TMEM132B: variants seen among roughly 807,000 people sequenced by gnomAD.
TMEM132B encodes transmembrane protein 132B.
A neutral mutation model predicts 90.8 loss-of-function variants in TMEM132B; 18 were observed. That is an observed-to-expected ratio of 0.20 (90% confidence interval 0.14 to 0.29). The LOEUF (loss-of-function observed/expected upper bound fraction) is 0.29. Ranked by LOEUF, TMEM132B falls within the 10% of genes least tolerant of loss-of-function variation. The pLI, the probability that TMEM132B is intolerant of heterozygous loss-of-function variation, is 1.00. For missense variants in TMEM132B, 1,096 were observed against 1,326.8 expected, an observed-to-expected ratio of 0.83 and a Z score of 2.70; for synonymous variants, 504 against 523.3, an observed-to-expected ratio of 0.96 and a Z score of 0.50.
rs373957160 is a variant in TMEM132B at position 125,626,109 on chromosome 12, T to G, written c.1438-17967T>G. Among the ~76,000 whole-genome samples, 4 of 151,562 alleles carry G rather than the reference T, an allele frequency of 2.6e-5. No homozygotes were observed. The South Asian group carries it at 8.4e-4, about 32-fold the overall frequency. ...TATTTTTTCAGAACAATTATAACTC[T>G]GAAAAAATGAATTTTATTCTTCCTT... On this transcript the variant is annotated intron_variant, in intron 5 of 8. Transcript: ENST00000682704.
intron 3 of TMEM132B, among the ~76,000 whole-genome samples, chr12:125,428,768 T>C (rs1481638567): frequency 5.9e-5 from 9 of 152,246 alleles, no homozygotes; most frequent in Admixed American, 5.9e-4. Flanking sequence ...AAATGACATT[T>C]TATTTGATTT....
At chr12:125,547,960 A>T (rs1314377538) in intron 4 of TMEM132B, among the ~76,000 whole-genome samples, 1 of 152,112 alleles carries the variant, frequency 6.6e-6, no homozygotes, top group Non-Finnish European at 1.5e-5. Flanking sequence ...TGCTTTTGAG[A>T]TTCCTTTTTA....
At chr12:125,250,713 C>G (rs980243517) in intron 1 of TMEM132B, among the ~76,000 whole-genome samples, 2 of 152,120 alleles carry the variant, frequency 1.3e-5, no homozygotes, top group Admixed American at 6.5e-5. Flanking sequence ...GCCCAGAAGA[C>G]CCAGTGGACT....
intron 1 of TMEM132B, among the ~76,000 whole-genome samples, chr12:125,194,073 G>C (rs1383224459): frequency 6.6e-6 from 1 of 152,224 alleles, no homozygotes; most frequent in Non-Finnish European, 1.5e-5. Context: ...GGCAAAATCA[G>C]CTGGTTCTGC....
chr12:125,648,630 A>G lies in TMEM132B; in HGVS notation c.1644-2053A>G, dbSNP rs150600199. On this transcript the variant is annotated intron_variant, in intron 6 of 8. Coordinates refer to ENST00000682704, the MANE Select transcript of TMEM132B (RefSeq NM_001366854.1). Reference sequence around the variant, plus strand: ...TAAATAAATGAATAGGATACAATCTATCCTAAAATAACAGGATTATTTTGT... The same window carrying G: ...TAAATAAATGAATAGGATACAATCTGTCCTAAAATAACAGGATTATTTTGT... Among the ~76,000 whole-genome samples the G allele has an allele frequency of 4.2e-3, 634 of 151,790 alleles. 5 individuals carry two copies. The highest frequency in any genetic ancestry group is 0.014 in the African/African-American group (572 of 41,338).
chr12:125,469,314 T>G (rs1881650961), intron 3 of TMEM132B, among the ~76,000 whole-genome samples: 1 of 152,242 alleles, frequency 6.6e-6, no homozygotes, highest in South Asian at 2.1e-4. Flanking sequence ...AAAACACTCT[T>G]TACAAATATA....
chr12:125,537,551 G>A (rs896956727), intron 4 of TMEM132B, among the ~76,000 whole-genome samples: 2 of 152,176 alleles, frequency 1.3e-5, no homozygotes, highest in Non-Finnish European at 2.9e-5. Context: ...GGCATCACTG[G>A]GAGAGGAAGG....
At chr12:125,219,082 T>A (rs1185860440) in intron 1 of TMEM132B, among the ~76,000 whole-genome samples, 1 of 152,162 alleles carries the variant, frequency 6.6e-6, no homozygotes, top group Non-Finnish European at 1.5e-5. Context: ...TGGTGAGAGG[T>A]CCTGAGCCTC....
intron 1 of TMEM132B, among the ~76,000 whole-genome samples, chr12:125,278,446 A>G (rs1399689778): frequency 1.3e-5 from 2 of 149,340 alleles, no homozygotes; most frequent in African/African-American, 4.9e-5. Context: ...AATCAAGGTC[A>G]TCTTTCCATG....
chr12:125,267,544 T>C (rs1194504207), intron 1 of TMEM132B, among the ~76,000 whole-genome samples: 1 of 152,192 alleles, frequency 6.6e-6, no homozygotes, highest in Non-Finnish European at 1.5e-5. Flanking sequence ...TCTCTCTTTT[T>C]GGTTTGTTCT....
At chr12:125,431,777 A>G (rs1880516588) in intron 3 of TMEM132B, among the ~76,000 whole-genome samples, 1 of 152,116 alleles carries the variant, frequency 6.6e-6, no homozygotes, top group Non-Finnish European at 1.5e-5. Context: ...GTGAATGGCG[A>G]GGTGGGACAA....
chr12:125,577,435 T>C (rs1884965091), intron 4 of TMEM132B, among the ~76,000 whole-genome samples: 3 of 151,262 alleles, frequency 2.0e-5, no homozygotes, highest in Non-Finnish European at 4.4e-5. Flanking sequence ...TTGGTTTCAT[T>C]GCATTGGTTT....
At chr12:125,614,707 T>C (rs1199922834) in intron 5 of TMEM132B, among the ~76,000 whole-genome samples, 1 of 152,166 alleles carries the variant, frequency 6.6e-6, no homozygotes, top group Non-Finnish European at 1.5e-5. Flanking sequence ...TGGAAAGCAG[T>C]CTGAAATTTT....
At chr12:125,421,668 G>A (rs1378913055) in intron 3 of TMEM132B, among the ~76,000 whole-genome samples, 4 of 152,166 alleles carry the variant, frequency 2.6e-5, no homozygotes, top group African/African-American at 4.8e-5. Flanking sequence ...ATTGCCTACT[G>A]TAGTCTAGAA....
At chr12:125,399,725 T>A (rs1879262185) in intron 2 of TMEM132B, among the ~76,000 whole-genome samples, 1 of 152,112 alleles carries the variant, frequency 6.6e-6, no homozygotes, top group Non-Finnish European at 1.5e-5. Context: ...ACAGGAAAGA[T>A]CCAACAGGCA....
chr12:125,490,583 C>A lies in TMEM132B; in HGVS notation c.1107-28856C>A, dbSNP rs2136556049. Among the ~76,000 whole-genome samples the A allele has an allele frequency of 6.6e-6, 1 of 152,206 alleles. No homozygotes were observed. Among genetic ancestry groups the A allele is most frequent in the Middle Eastern group, 3.4e-3 (1 of 294 alleles). ...GGTTCACACCATTCTCCTGCCTTAGCCTCCCGAGTAGCTCGACTACAGACA... is the reference window on the plus strand; with the variant it reads ...GGTTCACACCATTCTCCTGCCTTAGACTCCCGAGTAGCTCGACTACAGACA... On this transcript the variant is annotated intron_variant, in intron 3 of 8. Coordinates refer to ENST00000682704, the MANE Select transcript of TMEM132B (RefSeq NM_001366854.1). This position sits in a 1 kb window ranked among gnomAD's most constrained non-coding sequence, Gnocchi z 4.2.
chr12:125,645,613 AC>A (rs1886746526), intron 6 of TMEM132B, among the ~76,000 whole-genome samples: 1 of 152,156 alleles, frequency 6.6e-6, no homozygotes, highest in Non-Finnish European at 1.5e-5. Flanking sequence ...TCTGTCAACA[AC>A]CTGGCTGATC....
chr12:125,299,320 C>G (rs1490514785), intron 1 of TMEM132B, among the ~76,000 whole-genome samples: 2 of 152,158 alleles, frequency 1.3e-5, no homozygotes, highest in Non-Finnish European at 2.9e-5. Context: ...GGCCCTGGGA[C>G]TCATCACTCA....
At chr12:125,587,424 A>G (rs1313566435) in intron 5 of TMEM132B, 1 of 152,154 alleles carries the variant, frequency 6.6e-6, no homozygotes, top group Non-Finnish European at 1.5e-5. Context: ...GAGGGTCTGC[A>G]TAGTTTAAAA....
Sources: allele counts gnomAD v4.1 joint callset (sites outside exome capture counted in the v4.1 genomes callset), GRCh38; gene constraint gnomAD v4.1.1; non-coding constraint Gnocchi (gnomAD v3.1); transcripts MANE v1.5; gene names NCBI Gene and HGNC (gene_info 2026-07-23, HGNC 2026-07-21).